The following FEZF1 variants were observed in gnomAD, a reference collection of about 807,000 sequenced individuals.
FEZF1 encodes the protein fez family zinc finger protein 1.
A neutral mutation model predicts 32.4 loss-of-function variants in FEZF1; 8 were observed. That is an observed-to-expected ratio of 0.25 (90% confidence interval 0.15 to 0.45). The LOEUF (loss-of-function observed/expected upper bound fraction) is 0.45. Among genes scored for constraint, FEZF1 ranks in the 20% least tolerant of loss-of-function variants. The pLI is 1.00. For missense variants in FEZF1, 546 were observed against 622.3 expected (o/e 0.88, Z 1.31); for synonymous variants, 259 against 265.2 (o/e 0.98, Z 0.23).
chr7:122,303,516 A>AGGAGGGAG lies in FEZF1; in HGVS notation c.801+120_801+121insCTCCCTCC, dbSNP rs1563042037. 72 of 532,536 alleles carry AGGAGGGAG rather than the reference A, an allele frequency of 1.4e-4. No homozygotes were observed. In the Middle Eastern group the frequency reaches 2.0e-3, roughly 15 times the overall value. The allele number at this position is 532,536 out of a possible 1,614,324, so 33.0% of individuals were successfully genotyped here. ...AAGGAAGGAAGGAAGGAAGGAAGGA[A>AGGAGGGAG]GGAAGGAAGGAAGGAAGGAAGGAGG... On this transcript the variant is annotated intron_variant, in intron 1 of 3. Coordinates refer to ENST00000442488, the MANE Select transcript of FEZF1 (RefSeq NM_001024613.4).
At position 122,302,777 on chromosome 7, in the gene FEZF1, A is replaced by AC. The variant is rs2031092077; in HGVS notation, c.1069+21_1069+22insG. 5 of 651,242 alleles carry AC rather than the reference A, an allele frequency of 7.7e-6. No homozygotes were observed. The highest frequency in any genetic ancestry group is 1.2e-5 in the Non-Finnish European group (5 of 424,058). The allele number at this position is 651,242 out of a possible 1,614,324, so 40.3% of individuals were successfully genotyped here. A position where few individuals can be genotyped will look rare whatever the true frequency, so the allele number is the denominator to read the frequency against. On this transcript the variant is annotated intron_variant, in intron 3 of 3. Transcript: ENST00000442488. The surrounding 1 kb of genome is among the most constrained non-coding windows in gnomAD (Gnocchi z 4.4). ...GGCTTTTCATAAGACTAACCATGAG[A>AC]GACATTTCCTGGTTTGCATACCTTT...
At chr7:122,303,493 G>T (rs1053588418) in intron 1 of FEZF1, 144 bp downstream of exon 1, 1 of 480,228 alleles carries the variant, frequency 2.1e-6, no homozygotes, top group East Asian at 3.2e-5. Context: ...AAGGAAGGAA[G>T]GAAGGAAGGA....
chr7:122,302,393 A>G lies in FEZF1; in HGVS notation c.1070-38T>C, dbSNP rs756154712. 6.2e-6 allele frequency: 10 copies of G among 1,612,646 alleles called. No homozygotes were observed. In the East Asian group the frequency reaches 1.3e-4, roughly 22 times the overall value. ...AATGACAGGAATATGGTTCTGAAAAAAAAAATAGCTTAAAAAGGGAGGAGC... is the reference window on the plus strand; with the variant it reads ...AATGACAGGAATATGGTTCTGAAAAGAAAAATAGCTTAAAAAGGGAGGAGC... On this transcript the variant is annotated intron_variant, in intron 3 of 3. Coordinates refer to ENST00000442488, the MANE Select transcript of FEZF1 (RefSeq NM_001024613.4). This position sits in a 1 kb window ranked among gnomAD's most constrained non-coding sequence, Gnocchi z 4.4.
intron 1 of FEZF1, 105 bp downstream of exon 1, chr7:122,303,525 GGAAGGAA>G (rs1563042125): frequency 0.021 from 8,839 of 420,746 alleles, 202 homozygotes; most frequent in Non-Finnish European, 0.027. Context: ...AAGGAAGGAA[GGAAGGAA>G]GGAAGGAGGG....
chr7:122,301,805 A>G lies in FEZF1; in HGVS notation c.*192T>C. On this transcript the variant is annotated 3_prime_UTR_variant, in exon 4 of 4. Coordinates refer to ENST00000442488, the MANE Select transcript of FEZF1 (RefSeq NM_001024613.4). ...ATAATTGTTAGTGCCTATATAGAAT[A>G]TAATACACAAAACCATTTAGCAGGT... 3 of 663,636 alleles carry G rather than the reference A, an allele frequency of 4.5e-6. No individual in the cohort carries two copies. The highest frequency in any genetic ancestry group is 7.4e-6 in the Non-Finnish European group (3 of 405,686). 41.1% of individuals were successfully genotyped at this position (663,636 alleles called of 1,614,324 possible).
At chr7:122,304,791 C>CA, upstream of FEZF1, 1 of 175,598 alleles carries the variant, frequency 5.7e-6, no homozygotes. Context: ...AACAGGAAAA[C>CA]TTTTTTTTTT....
At chr7:122,310,520 G>A (rs547497146) in exon 1 of FEZF1, 2 of 152,434 alleles carry the variant, frequency 1.3e-5, no homozygotes, top group South Asian at 2.1e-4. Context: ...CGAGCTCTGT[G>A]AGACTCCCTT....
Position 122,303,884 on chromosome 7 carries a change from A to G in FEZF1, c.554T>C (p.Phe185Ser). The G allele has an allele frequency of 6.2e-7, 1 of 1,614,060 alleles. No homozygotes were observed. Among genetic ancestry groups the G allele is most frequent in the South Asian group, 1.1e-5 (1 of 91,084 alleles). ...GVNIHPVASY[F>S]LSSPLHPQPK... is the part of the protein sequence containing the mutation. ...CTGCGGGTGCAAAGGGGAACTGAGG[A>G]AGTAGGAGGCCACCGGGTGGATGTT... The change falls in exon 1 of 4, where the codon TTC becomes TCC. Residue 185 changes from phenylalanine (F) to serine (S), a missense_variant. By Grantham distance (155) the Phe-to-Ser change is radical. Coordinates refer to ENST00000442488, the MANE Select transcript of FEZF1 (RefSeq NM_001024613.4).
chr7:122,302,466 C>A lies in FEZF1; in HGVS notation c.1070-111G>T. On this transcript the variant is annotated intron_variant, in intron 3 of 3. Coordinates refer to ENST00000442488, the MANE Select transcript of FEZF1 (RefSeq NM_001024613.4). This position sits in a 1 kb window ranked among gnomAD's most constrained non-coding sequence, Gnocchi z 4.4. ...GGCAAGCAGAAGAGCCGCCACAGGT[C>A]CCACAACAAGTGCAGGGCTACTATC... is the stretch of plus-strand genomic sequence containing the variant. 1.3e-6 allele frequency: 2 copies of A among 1,498,556 alleles called. No individual in the cohort carries two copies. The highest frequency in any genetic ancestry group is 1.8e-6 in the Non-Finnish European group (2 of 1,113,970). 92.8% of individuals were successfully genotyped at this position (1,498,556 alleles called of 1,614,324 possible). A position where few individuals can be genotyped will look rare whatever the true frequency, so the allele number is the denominator to read the frequency against.
upstream of FEZF1, chr7:122,305,313 T>C (rs1292461582): frequency 6.6e-6 from 1 of 152,258 alleles, no homozygotes; most frequent in African/African-American, 2.4e-5. Context: ...GCTCCCGGAA[T>C]CCCGGAGTCT....
rs2150612618 is a variant in FEZF1 at position 122,302,464 on chromosome 7, G to A, written c.1070-109C>T. 1 of 1,502,982 alleles carries A rather than the reference G, an allele frequency of 6.7e-7. No individual in the cohort carries two copies. Among genetic ancestry groups the A allele is most frequent in the South Asian group, 1.2e-5 (1 of 82,448 alleles). The allele number at this position is 1,502,982 out of a possible 1,614,324, so 93.1% of individuals were successfully genotyped here. ...CAGGCAAGCAGAAGAGCCGCCACAG[G>A]TCCCACAACAAGTGCAGGGCTACTA... On this transcript the variant is annotated intron_variant, in intron 3 of 3. Transcript: ENST00000442488. This position sits in a 1 kb window ranked among gnomAD's most constrained non-coding sequence, Gnocchi z 4.4.
At chr7:122,309,542 A>C (rs1584964834), upstream of FEZF1, 1 of 151,766 alleles carries the variant, frequency 6.6e-6, no homozygotes, top group African/African-American at 2.4e-5. Context: ...TTTGTTTCTG[A>C]CCCTCCACTA....
At chr7:122,310,043 G>C (rs541149247) in intron 1 of FEZF1, 66 of 152,312 alleles carry the variant, frequency 4.3e-4, no homozygotes, top group African/African-American at 1.5e-3. Context: ...ACTTTCTTAA[G>C]TGATCCCATG....
chr7:122,303,499 AAGGAAG>A, intron 1 of FEZF1, 132 bp downstream of exon 1: 1 of 501,790 alleles, frequency 2.0e-6, no homozygotes, highest in Non-Finnish European at 3.4e-6. Flanking sequence ...GGAAGGAAGG[AAGGAAG>A]GAAGGAAGGA....
At chr7:122,305,019 AATCTG>A (rs1306587688), upstream of FEZF1, 1 of 152,024 alleles carries the variant, frequency 6.6e-6, no homozygotes, top group East Asian at 1.9e-4. Flanking sequence ...AGGCCAAGCA[AATCTG>A]AGATCAATTT....
In FEZF1 at chr7:122,304,123, C is replaced by A; in HGVS notation, c.315G>T (p.Ala105=). Residue 105 remains alanine (A), a synonymous_variant, in exon 1 of 4, where the codon GCG becomes GCT. Coordinates refer to ENST00000442488, the MANE Select transcript of FEZF1 (RefSeq NM_001024613.4). ...CGGGAGCCGAGGGCACCGCCGCGGG[C>A]GCCGCCGGGGCCTCCAGACTGGCCT... ...PRKASLEAPA[A]PAAVPSAPAF... 6.3e-7 allele frequency: 1 copy of A among 1,595,886 alleles called. No individual in the cohort carries two copies. Among genetic ancestry groups the A allele is most frequent in the Non-Finnish European group, 8.5e-7 (1 of 1,170,280 alleles).
At chr7:122,303,094 T>C in intron 2 of FEZF1, 83 bp downstream of exon 2, 1 of 1,590,552 alleles carries the variant, frequency 6.3e-7, no homozygotes, top group South Asian at 1.1e-5. Flanking sequence ...ATGAACGTTA[T>C]CCTAAAGAGT....
rs903139281 is a variant in FEZF1 at position 122,302,433 on chromosome 7, T to C, written c.1070-78A>G. ...AAGGGAGGAGCAGACACGTGGAAGG[T>C]AGCGCCAGGCAAGCAGAAGAGCCGC... is the stretch of plus-strand genomic sequence containing the variant. On this transcript the variant is annotated intron_variant, in intron 3 of 3. Transcript: ENST00000442488. The surrounding 1 kb of genome is among the most constrained non-coding windows in gnomAD (Gnocchi z 4.4). 11 of 1,579,086 alleles carry C rather than the reference T, an allele frequency of 7.0e-6. No individual in the cohort carries two copies. The highest frequency in any genetic ancestry group is 1.8e-5 in the Admixed American group (1 of 54,996).
At chr7:122,305,408 A>T (rs1487593392), upstream of FEZF1, 1 of 152,258 alleles carries the variant, frequency 6.6e-6, no homozygotes, top group Non-Finnish European at 1.5e-5. Context: ...TAAAAGCCTT[A>T]GGAGGCTTGT....
Sources: gnomAD v4.1 joint callset for allele counts on GRCh38, gnomAD v4.1.1 for gene constraint, Gnocchi (gnomAD v3.1) non-coding constraint, MANE v1.5 for transcripts, NCBI Gene and HGNC (gene_info 2026-07-23, HGNC 2026-07-21) for gene names.